The following GPR39 variants were observed in gnomAD, a reference collection of about 807,000 sequenced individuals.
GPR39 encodes the protein G protein-coupled receptor 39.
A neutral mutation model predicts 18.4 loss-of-function variants in GPR39; 23 were observed. That is an observed-to-expected ratio of 1.25 (90% CI 0.90 to 1.77). The LOEUF (loss-of-function observed/expected upper bound fraction) is 1.77. Among genes scored for constraint, GPR39 ranks in the 40% most tolerant of loss-of-function variants. GPR39 has a pLI of 0.00. For synonymous variants in GPR39, 280 were observed against 257.9 expected, an observed-to-expected ratio of 1.09 and a Z score of -0.82; for missense variants, 647 against 602.4, an observed-to-expected ratio of 1.07 and a Z score of -0.78.
intron 1 of GPR39, among the ~76,000 whole-genome samples, chr2:132,532,025 C>A (rs897650258): frequency 5.3e-5 from 8 of 152,076 alleles, no homozygotes; most frequent in African/African-American, 1.4e-4. Context: ...GAGATAGAGA[C>A]ACAAAAAACC....
chr2:132,545,367 T>C (rs1312425627), intron 1 of GPR39, among the ~76,000 whole-genome samples: 1 of 152,226 alleles, frequency 6.6e-6, no homozygotes, highest in Non-Finnish European at 1.5e-5. Context: ...ACATCATTTG[T>C]AATTGGGAAG....
intron 1 of GPR39, among the ~76,000 whole-genome samples, chr2:132,492,160 A>T (rs1681477836): frequency 6.8e-6 from 1 of 148,134 alleles, no homozygotes. Flanking sequence ...CCACATAAAT[A>T]TATACACACC....
chr2:132,513,490 G>A (rs1371976573), intron 1 of GPR39, among the ~76,000 whole-genome samples: 1 of 151,052 alleles, frequency 6.6e-6, no homozygotes, highest in African/African-American at 2.4e-5. Flanking sequence ...GTATTCCACC[G>A]CTAGATATCT....
intron 1 of GPR39, among the ~76,000 whole-genome samples, chr2:132,441,568 G>C (rs1680440417): frequency 6.6e-6 from 1 of 152,282 alleles, no homozygotes; most frequent in African/African-American, 2.4e-5. Context: ...AGTGGCAATG[G>C]AAGGGCCCCA....
At chr2:132,513,870 T>C (rs995989406) in intron 1 of GPR39, among the ~76,000 whole-genome samples, 3 of 152,170 alleles carry the variant, frequency 2.0e-5, no homozygotes, top group African/African-American at 7.2e-5. Flanking sequence ...TGCGCCACCA[T>C]GCCCAGCTAA....
intron 1 of GPR39, among the ~76,000 whole-genome samples, chr2:132,501,323 T>C (rs900000130): frequency 4.6e-5 from 7 of 152,188 alleles, no homozygotes; most frequent in African/African-American, 1.7e-4. Context: ...CCATCTTGAT[T>C]TCATTGTTGA....
chr2:132,521,064 T>C (rs1679416866), intron 1 of GPR39, among the ~76,000 whole-genome samples: 1 of 152,208 alleles, frequency 6.6e-6, no homozygotes, highest in Non-Finnish European at 1.5e-5. Flanking sequence ...TTTGCCTCAT[T>C]GTCTTAGCAC....
At chr2:132,536,111 T>C (rs1396958196) in intron 1 of GPR39, among the ~76,000 whole-genome samples, 1 of 152,142 alleles carries the variant, frequency 6.6e-6, no homozygotes, top group African/African-American at 2.4e-5. Flanking sequence ...TGTCTTCTGC[T>C]AGCTTTTGGA....
At chr2:132,457,634 C>T (rs977445372) in intron 1 of GPR39, among the ~76,000 whole-genome samples, 2 of 152,222 alleles carry the variant, frequency 1.3e-5, no homozygotes, top group African/African-American at 4.8e-5. Flanking sequence ...AGAGCTCAAA[C>T]GTCGTGCTGG....
rs182620713 is a variant in GPR39, at chr2:132,532,263, C to G, written c.857-112838C>G. 1.2e-4 allele frequency among the ~76,000 whole-genome samples: 18 copies of G among 152,164 alleles called. No homozygotes were observed. In the East Asian group the frequency reaches 1.7e-3, roughly 15 times the overall value. On this transcript the variant is annotated intron_variant, in intron 1 of 1. Coordinates refer to ENST00000329321, the MANE Select transcript of GPR39 (RefSeq NM_001508.3). ...AATCTAGAAGAAATGGATAATTTCT[C>G]GACACATACACCCTCCCAAGACTAA...
rs1432641944 is a variant in GPR39, at chr2:132,417,299, G to GC, written c.258dup (p.Met87HisfsTer46). ...TCGGACATCTTGGTGTTCCTCATCGGCATGCCCATGGAGTTCTACAGCATC... is the reference window on the plus strand; with the variant it reads ...TCGGACATCTTGGTGTTCCTCATCGGCCATGCCCATGGAGTTCTACAGCATC... On this transcript the variant is annotated frameshift_variant, in exon 1 of 2. Coordinates refer to ENST00000329321, the MANE Select transcript of GPR39 (RefSeq NM_001508.3). LOFTEE classifies it high-confidence loss of function. 9.3e-6 allele frequency: 15 copies of GC among 1,614,036 alleles called. No individual in the cohort carries two copies. Among genetic ancestry groups the GC allele is most frequent in the Non-Finnish European group, 1.3e-5 (15 of 1,180,030 alleles).
rs189448372 is a variant in GPR39 at position 132,468,485 on chromosome 2, G to T, written c.856+50587G>T. On this transcript the variant is annotated intron_variant, in intron 1 of 1. Transcript: ENST00000329321. Reference sequence around the variant, plus strand: ...AGGGTACATTGTGGACAGGCACACAGAGGTGACCAGTGCAGAAATGGTCCA... The same window carrying T: ...AGGGTACATTGTGGACAGGCACACATAGGTGACCAGTGCAGAAATGGTCCA... 2.0e-5 allele frequency among the ~76,000 whole-genome samples: 3 copies of T among 152,344 alleles called. No homozygotes were observed. The East Asian group carries it at 5.8e-4, about 29-fold the overall frequency.
At chr2:132,517,179 C>T (rs1174449685) in intron 1 of GPR39, among the ~76,000 whole-genome samples, 1 of 151,628 alleles carries the variant, frequency 6.6e-6, no homozygotes, top group African/African-American at 2.4e-5. Flanking sequence ...GTGTATTAGG[C>T]TACTTCTGTG....
intron 1 of GPR39, among the ~76,000 whole-genome samples, chr2:132,600,692 G>A (rs1173779575): frequency 1.3e-5 from 2 of 151,988 alleles, no homozygotes; most frequent in Non-Finnish European, 2.9e-5. Context: ...CCAACAATGA[G>A]TAACAAGATT....
chr2:132,461,694 G>A (rs72845872), intron 1 of GPR39, among the ~76,000 whole-genome samples: 4,606 of 152,246 alleles, frequency 0.03, 107 homozygotes, highest in Non-Finnish European at 0.048. Context: ...TTAATGGCAG[G>A]AGAATATTTG....
chr2:132,566,651 A>G (rs890868760), intron 1 of GPR39, among the ~76,000 whole-genome samples: 12 of 152,200 alleles, frequency 7.9e-5, no homozygotes, highest in Non-Finnish European at 1.0e-4. Flanking sequence ...GAAAAAACTC[A>G]GTATTGGTGA....
At chr2:132,635,668 G>T (rs75540540) in intron 1 of GPR39, among the ~76,000 whole-genome samples, 4,707 of 152,168 alleles carry the variant, frequency 0.031, 214 homozygotes, top group African/African-American at 0.1. Context: ...ATGGGGCCTG[G>T]GGCATAGAAG....
At chr2:132,469,581 A>G (rs1680993664) in intron 1 of GPR39, among the ~76,000 whole-genome samples, 1 of 152,130 alleles carries the variant, frequency 6.6e-6, no homozygotes, top group Non-Finnish European at 1.5e-5. Flanking sequence ...GTGTGTGTAA[A>G]CGACCCTCTG....
intron 1 of GPR39, among the ~76,000 whole-genome samples, chr2:132,625,993 G>A (rs760668583): frequency 1.3e-5 from 2 of 151,968 alleles, no homozygotes; most frequent in East Asian, 1.9e-4. Flanking sequence ...CCAGCTACTC[G>A]GGAGGCTGAG....
Sources: gnomAD v4.1 joint callset for allele counts (sites outside exome capture counted in the v4.1 genomes callset) on GRCh38, gnomAD v4.1.1 for gene constraint, MANE v1.5 for transcripts, NCBI Gene and HGNC (gene_info 2026-07-23, HGNC 2026-07-21) for gene names.